ITPR3: variants seen among roughly 807,000 people sequenced by gnomAD.
The protein encoded by ITPR3 is inositol 1,4,5-trisphosphate-gated calcium channel ITPR3.
A neutral mutation model predicts 293.2 loss-of-function variants in ITPR3; 173 were observed. The ratio of observed to expected loss-of-function variants is 0.59; its 90% CI spans 0.52 to 0.67. The LOEUF is 0.67. Among genes scored for constraint, ITPR3 ranks in the 30% least tolerant of loss-of-function variants. ITPR3 has a pLI of 0.00. For missense variants in ITPR3, 2,796 were observed against 3,592.1 expected (o/e 0.78, Z 5.66); for synonymous variants, 1,295 against 1,444.4 (o/e 0.90, Z 2.35).
At position 33,672,087 on chromosome 6, in the gene ITPR3, G is replaced by A; in HGVS notation, c.2787G>A (p.Leu929=). The change falls in exon 22 of 58, where the codon CTG becomes CTA. Residue 929 remains leucine (L), a synonymous_variant. Coordinates refer to ENST00000605930, the MANE Select transcript of ITPR3 (RefSeq NM_002224.4). This position sits in a 1 kb window ranked among gnomAD's most constrained non-coding sequence, Gnocchi z 5.0. The part of the protein sequence containing the change: ...GVGHMMSTMV[L]SRKQSVFSAP... ...GGCACATGATGTCCACCATGGTGCT[G>A]AGCCGCAAGCAGTCCGTCTTCAGTG... 6.2e-7 allele frequency: 1 copy of A among 1,613,834 alleles called. No homozygotes were observed. Among genetic ancestry groups the A allele is most frequent in the Non-Finnish European group, 8.5e-7 (1 of 1,179,876 alleles).
At position 33,683,313 on chromosome 6, in the gene ITPR3, C is replaced by T. The variant is rs756778610; in HGVS notation, c.4704C>T (p.Ser1568=). The T allele has an allele frequency of 6.3e-7, 1 of 1,590,012 alleles. No individual in the cohort carries two copies. Among genetic ancestry groups the T allele is most frequent in the South Asian group, 1.1e-5 (1 of 87,382 alleles). ...CAAAAQRNAS[S]YKATTRAFPR... ...CTGCCGCCCAGCGGAACGCCTCCAG[C>T]TACAAGGCAACCACGCGGGCCTTCC... is the stretch of plus-strand genomic sequence containing the variant. Residue 1568 remains serine (S), a synonymous_variant, in exon 35 of 58, where the codon AGC becomes AGT. Coordinates refer to ENST00000605930, the MANE Select transcript of ITPR3 (RefSeq NM_002224.4). This position sits in a 1 kb window ranked among gnomAD's most constrained non-coding sequence, Gnocchi z 4.5.
At chr6:33,673,817 C>G (rs1764834618) in intron 23 of ITPR3, 97 bp downstream of exon 23, 2 of 1,416,790 alleles carry the variant, frequency 1.4e-6, no homozygotes, top group Non-Finnish European at 1.9e-6. Context: ...GCTCCTTTTT[C>G]TAGTCTGCAA....
At position 33,675,619 on chromosome 6, in the gene ITPR3, G is replaced by C; in HGVS notation, c.3117-72G>C. On this transcript the variant is annotated intron_variant, in intron 24 of 57. Transcript: ENST00000605930. The surrounding 1 kb of genome is among the most constrained non-coding windows in gnomAD (Gnocchi z 5.0). ...TGGCGGAGAGTGTGCTTGTGCCAGG[G>C]CCCCTTACCCACCACGGACAGCAGG... 1 of 1,488,998 alleles carries C rather than the reference G, an allele frequency of 6.7e-7. No individual in the cohort carries two copies. 92.2% of individuals were successfully genotyped at this position (1,488,998 alleles called of 1,614,324 possible). A position where few individuals can be genotyped will look rare whatever the true frequency, so the allele number is the denominator to read the frequency against.
At chr6:33,634,224 G>A (rs774006533) in intron 1 of ITPR3, among the ~76,000 whole-genome samples, 11 of 152,118 alleles carry the variant, frequency 7.2e-5, no homozygotes, top group Non-Finnish European at 1.2e-4. Context: ...TCTGCCCAGG[G>A]CCACCTTCTT....
intron 1 of ITPR3, among the ~76,000 whole-genome samples, chr6:33,627,225 A>AT (rs1289756680): frequency 1.7e-5 from 1 of 60,494 alleles, no homozygotes; most frequent in Non-Finnish European, 3.3e-5. Flanking sequence ...AAATATATAT[A>AT]TTTTTTCAGA....
intron 33 of ITPR3, among the ~76,000 whole-genome samples, chr6:33,680,977 C>T (rs112489953): frequency 0.02 from 3,047 of 152,014 alleles, 84 homozygotes; most frequent in African/African-American, 0.065. Flanking sequence ...CCCGCCACCA[C>T]GCCCAGCTAA....
rs1448514138 is a variant in ITPR3 at position 33,680,393 on chromosome 6, A to C, written c.4289A>C (p.Glu1430Ala). The C allele has an allele frequency of 2.5e-6, 4 of 1,613,478 alleles. No homozygotes were observed. The highest frequency in any genetic ancestry group is 3.4e-6 in the Non-Finnish European group (4 of 1,179,942). ...CYVDTEVEMK[E>A]IYTSNHIWTL... ...GTGGACACGGAGGTGGAGATGAAGG[A>C]GATCTACACCAGCAACCACATCTGG... The change falls in exon 32 of 58, where the codon GAG (glutamate) becomes GCG (alanine). Residue 1430 changes from glutamate (E) to alanine (A), a missense_variant. By Grantham distance (107) the Glu-to-Ala change is moderately radical. Transcript: ENST00000605930.
At chr6:33,669,911 A>G (rs1008874404) in intron 18 of ITPR3, among the ~76,000 whole-genome samples, 22 of 152,306 alleles carry the variant, frequency 1.4e-4, no homozygotes, top group Admixed American at 1.1e-3. Flanking sequence ...AGGGCAGCAC[A>G]GAGCTTCCCA....
intron 57 of ITPR3, 23 bp from the exon 58 acceptor site, chr6:33,695,689 T>G (rs919660814): frequency 1.2e-6 from 2 of 1,613,004 alleles, no homozygotes; most frequent in East Asian, 4.5e-5. Flanking sequence ...TGACCAGGCC[T>G]GTTGGCATCT....
chr6:33,621,575 A>G lies in ITPR3; in HGVS notation c.-28A>G, dbSNP rs1349039642. 1.3e-6 allele frequency: 2 copies of G among 1,549,534 alleles called. No individual in the cohort carries two copies. The highest frequency in any genetic ancestry group is 1.8e-6 in the Non-Finnish European group (2 of 1,139,524). ...GGCCACGCGCCCCTAGGCGCCCCCC[A>G]CGCCCTGGGCCCCGGAGGGCCGCAG... On this transcript the variant is annotated 5_prime_UTR_variant, in exon 1 of 58. Coordinates refer to ENST00000605930, the MANE Select transcript of ITPR3 (RefSeq NM_002224.4). The surrounding 1 kb of genome is among the most constrained non-coding windows in gnomAD (Gnocchi z 7.7).
intron 21 of ITPR3, 47 bp from the exon 22 acceptor site, chr6:33,671,982 A>C (rs779256442): frequency 6.5e-7 from 1 of 1,535,916 alleles, no homozygotes; most frequent in South Asian, 1.2e-5. Context: ...CCCTGTGTAC[A>C]GCCTCTACAA....
Position 33,693,545 on chromosome 6 carries a change from G to A in ITPR3, c.7625G>A (p.Gly2542Asp), listed in dbSNP as rs927010017. The change falls in exon 56 of 58, where the codon GGT (glycine) becomes GAT (aspartate). Residue 2542 changes from glycine to aspartate, a missense_variant and splice_region_variant. Gly to Asp is a moderately conservative substitution (Grantham distance 94). Transcript: ENST00000605930. ...TCATTCCCGCCCTCTGCACCCTCAG[G>A]TCTGGAGAGGGACAAGTTTGATAAC... ...EILKTTCFIC[G>D]LERDKFDNKT... 2 of 1,613,922 alleles carry A rather than the reference G, an allele frequency of 1.2e-6. No individual in the cohort carries two copies. Among genetic ancestry groups the A allele is most frequent in the African/African-American group, 2.7e-5 (2 of 74,924 alleles).
Position 33,685,450 on chromosome 6 carries a change from C to A in ITPR3, c.5399C>A (p.Thr1800Asn), listed in dbSNP as rs1395227104. ...HDRMKRAQQE[T>N]KSTVAVNMND... ...CGCATGAAGCGGGCCCAGCAGGAGA[C>A]CAAGTCCACGGTGGCAGTCAACATG... The change falls in exon 40 of 58, where the codon ACC (threonine) becomes AAC (asparagine). Residue 1800 changes from threonine (T) to asparagine (N), a missense_variant. By Grantham distance (65) the Thr-to-Asn change is moderately conservative. Coordinates refer to ENST00000605930, the MANE Select transcript of ITPR3 (RefSeq NM_002224.4). 2 of 1,614,062 alleles carry A rather than the reference C, an allele frequency of 1.2e-6. No individual in the cohort carries two copies. Among genetic ancestry groups the A allele is most frequent in the Admixed American group, 3.3e-5 (2 of 60,014 alleles).
In ITPR3 at chr6:33,670,061, TC is replaced by T. The variant is rs1207086913; in HGVS notation, c.2190-261del. On this transcript the variant is annotated intron_variant, in intron 18 of 57. Coordinates refer to ENST00000605930, the MANE Select transcript of ITPR3 (RefSeq NM_002224.4). The surrounding 1 kb of genome is among the most constrained non-coding windows in gnomAD (Gnocchi z 6.7). ...TCTCATCTCACTGCCCTCCCCTGTC[TC>T]CCACCCTTTCCCTCATCTTTCAGAC... is the stretch of plus-strand genomic sequence containing the variant. 6.6e-6 allele frequency among the ~76,000 whole-genome samples: 1 copy of T among 150,722 alleles called. No homozygotes were observed. The highest frequency in any genetic ancestry group is 2.4e-5 in the African/African-American group (1 of 40,972).
chr6:33,668,766 G>A, intron 17 of ITPR3, 132 bp downstream of exon 17: 1 of 1,428,990 alleles, frequency 7.0e-7, no homozygotes, highest in Non-Finnish European at 9.6e-7. Flanking sequence ...CTCTGTGCCT[G>A]TTATGTGCCC....
rs1484758377 is a variant in ITPR3 at position 33,664,566 on chromosome 6, C to T, written c.1149-304C>T. ...TTCAATGGGATAAATAGTTAAATAGCCTCATTTGTCCAAATGAATTTTGGT... is the reference window on the plus strand; with the variant it reads ...TTCAATGGGATAAATAGTTAAATAGTCTCATTTGTCCAAATGAATTTTGGT... On this transcript the variant is annotated intron_variant, in intron 11 of 57. Transcript: ENST00000605930. This position sits in a 1 kb window ranked among gnomAD's most constrained non-coding sequence, Gnocchi z 4.4. 6.6e-6 allele frequency among the ~76,000 whole-genome samples: 1 copy of T among 152,210 alleles called. No homozygotes were observed. The highest frequency in any genetic ancestry group is 1.5e-5 in the Non-Finnish European group (1 of 68,032).
Position 33,659,463 on chromosome 6 carries a change from C to T in ITPR3, c.628-3C>T. 1 of 1,613,992 alleles carries T rather than the reference C, an allele frequency of 6.2e-7. No individual in the cohort carries two copies. Among genetic ancestry groups the T allele is most frequent in the South Asian group, 1.1e-5 (1 of 91,064 alleles). On this transcript the variant is annotated splice_region_variant and splice_polypyrimidine_tract_variant and intron_variant, in intron 6 of 57. Coordinates refer to ENST00000605930, the MANE Select transcript of ITPR3 (RefSeq NM_002224.4). ...CGTCACGGGTCTTGTCACCCTTCCG[C>T]AGGTCAATTCTGTGAACTGCAACAC...
At position 33,696,054 on chromosome 6, in the gene ITPR3, A is replaced by C; in HGVS notation, c.*274A>C. The C allele has an allele frequency of 2.2e-6, 1 of 461,826 alleles. No homozygotes were observed. Among genetic ancestry groups the C allele is most frequent in the Non-Finnish European group, 3.9e-6 (1 of 256,822 alleles). 28.6% of individuals were successfully genotyped at this position (461,826 alleles called of 1,614,324 possible). ...AGCAGAAGATAAATCCTACCTAGAGACCTTTGTTCCTTAAAGCAATAACTG... is the reference window on the plus strand; with the variant it reads ...AGCAGAAGATAAATCCTACCTAGAGCCCTTTGTTCCTTAAAGCAATAACTG... On this transcript the variant is annotated 3_prime_UTR_variant, in exon 58 of 58. Transcript: ENST00000605930.
intron 1 of ITPR3, among the ~76,000 whole-genome samples, chr6:33,639,695 T>C (rs972344626): frequency 7.6e-4 from 115 of 151,774 alleles, no homozygotes; most frequent in African/African-American, 2.5e-3. Context: ...GATGGGTAGA[T>C]GGGTGGATGG....
Sources: gnomAD v4.1 joint callset for allele counts (sites outside exome capture counted in the v4.1 genomes callset) on GRCh38, gnomAD v4.1.1 for gene constraint, Gnocchi (gnomAD v3.1) non-coding constraint, MANE v1.5 for transcripts, NCBI Gene and HGNC (gene_info 2026-07-23, HGNC 2026-07-21) for gene names.